The following STPG4 variants were observed in gnomAD, a reference collection of about 807,000 sequenced individuals.
The protein encoded by STPG4 is protein STPG4.
A neutral mutation model predicts 31.5 loss-of-function variants in STPG4; 41 were observed. That is an observed-to-expected ratio of 1.30 (90% CI 1.01 to 1.69). The LOEUF (loss-of-function observed/expected upper bound fraction) is 1.69. Among genes scored for constraint, STPG4 ranks in the 40% most tolerant of loss-of-function variants. STPG4 has a pLI of 0.00. For synonymous variants in STPG4, 141 were observed against 103.0 expected (o/e 1.37, Z -2.24); for missense variants, 375 against 293.4 (o/e 1.28, Z -2.03).
chr2:47,137,913 C>G (rs1371696224), intron 3 of STPG4, among the ~76,000 whole-genome samples: 2 of 152,046 alleles, frequency 1.3e-5, no homozygotes, highest in East Asian at 3.8e-4. Flanking sequence ...ATTATCTTTT[C>G]AAAGAATCAG....
chr2:47,135,509 C>T (rs1315554786), intron 3 of STPG4, among the ~76,000 whole-genome samples: 1 of 152,144 alleles, frequency 6.6e-6, no homozygotes, highest in East Asian at 1.9e-4. Flanking sequence ...GCTTCAGCCT[C>T]CCAAGTAGCT....
intron 5 of STPG4, among the ~76,000 whole-genome samples, chr2:47,099,288 C>A (rs1210531888): frequency 6.6e-6 from 1 of 152,236 alleles, no homozygotes; most frequent in Admixed American, 6.5e-5. Flanking sequence ...TGAGGCAGTT[C>A]TGGCCTCAAA....
At chr2:47,123,486 A>T (rs1686312524) in intron 5 of STPG4, among the ~76,000 whole-genome samples, 1 of 152,214 alleles carries the variant, frequency 6.6e-6, no homozygotes. Flanking sequence ...GATACATTTT[A>T]AAAGGTATTG....
At chr2:47,127,038 C>T (rs1331413639) in intron 5 of STPG4, among the ~76,000 whole-genome samples, 1 of 151,894 alleles carries the variant, frequency 6.6e-6, no homozygotes. Flanking sequence ...TCTTGTACTT[C>T]AATATTTCTA....
intron 5 of STPG4, among the ~76,000 whole-genome samples, chr2:47,096,621 G>C (rs1685674345): frequency 6.6e-6 from 1 of 152,152 alleles, no homozygotes; most frequent in Non-Finnish European, 1.5e-5. Context: ...ATGTCCCAGG[G>C]GGTTAGGGAC....
At chr2:47,098,890 T>C (rs13394954) in intron 5 of STPG4, among the ~76,000 whole-genome samples, 1 of 152,190 alleles carries the variant, frequency 6.6e-6, no homozygotes, top group Non-Finnish European at 1.5e-5. Context: ...CAGGAAATTC[T>C]AGAATTCTGT....
At chr2:47,134,667 C>G (rs1686560501) in intron 3 of STPG4, among the ~76,000 whole-genome samples, 1 of 152,240 alleles carries the variant, frequency 6.6e-6, no homozygotes, top group Non-Finnish European at 1.5e-5. Context: ...CTATAAACAT[C>G]CATGTGCAGG....
intron 5 of STPG4, among the ~76,000 whole-genome samples, chr2:47,091,462 T>C (rs1041450235): frequency 6.6e-6 from 1 of 152,132 alleles, no homozygotes; most frequent in South Asian, 2.1e-4. Context: ...GCTAACATGA[T>C]GTTCATCTTT....
At chr2:47,148,707 T>A (rs1391989232) in intron 3 of STPG4, among the ~76,000 whole-genome samples, 1 of 152,046 alleles carries the variant, frequency 6.6e-6, no homozygotes, top group African/African-American at 2.4e-5. Context: ...CAGGCTCCTG[T>A]GTGTGATGTT....
intron 6 of STPG4, among the ~76,000 whole-genome samples, 159 bp downstream of exon 6, chr2:47,090,111 T>C (rs28679288): frequency 0.054 from 8,178 of 152,274 alleles, 316 homozygotes; most frequent in Non-Finnish European, 0.083. Context: ...TCACTCCTGA[T>C]TGCCTTGACA....
intron 5 of STPG4, among the ~76,000 whole-genome samples, chr2:47,117,536 A>G (rs1686177056): frequency 6.6e-6 from 1 of 152,212 alleles, no homozygotes; most frequent in African/African-American, 2.4e-5. Flanking sequence ...TTGAGTCATC[A>G]GTGTCTAATT....
In STPG4 at chr2:47,137,742, T is replaced by C. The variant is rs574573540; in HGVS notation, c.400-7482A>G. Among the ~76,000 whole-genome samples the C allele has an allele frequency of 2.1e-4, 32 of 152,310 alleles. 1 individual carries two copies. The South Asian group carries it at 4.6e-3, about 22-fold the overall frequency. On this transcript the variant is annotated intron_variant, in intron 3 of 6. Coordinates refer to ENST00000445927, the MANE Select transcript of STPG4 (RefSeq NM_001163561.2). ...AAGTAATTGGTTCATTTTATCTAGGTAATCAAATTTGTGGAAATAGGGTTA... is the reference window on the plus strand; with the variant it reads ...AAGTAATTGGTTCATTTTATCTAGGCAATCAAATTTGTGGAAATAGGGTTA...
rs57475505 is a variant in STPG4 at position 47,127,252 on chromosome 2, C to CTTTTTTTTTTTTTTTT, written c.519+2673_519+2688dup. On this transcript the variant is annotated intron_variant, in intron 5 of 6. Transcript: ENST00000445927. ...CAAATAGCTTGTCTTCAAGCTAATT[C>CTTTTTTTTTTTTTTTT]TTTTTTTTTTTTTTTTTTTTTTTTT... 1.9e-3 allele frequency among the ~76,000 whole-genome samples: 112 copies of CTTTTTTTTTTTTTTTT among 57,472 alleles called. 20 individuals carry two copies. The highest frequency in any genetic ancestry group is 5.4e-3 in the South Asian group (6 of 1,110). The allele number at this position is 57,472 out of a possible 152,430, so 37.7% of individuals were successfully genotyped here.
At chr2:47,090,782 T>C (rs1173677972) in intron 5 of STPG4, among the ~76,000 whole-genome samples, 5 of 152,260 alleles carry the variant, frequency 3.3e-5, no homozygotes, top group African/African-American at 1.2e-4. Flanking sequence ...AAAATGCTTA[T>C]TCTTTCATAT....
intron 5 of STPG4, among the ~76,000 whole-genome samples, chr2:47,107,870 G>A (rs910319028): frequency 3.3e-5 from 5 of 152,152 alleles, no homozygotes; most frequent in African/African-American, 1.2e-4. Context: ...CTCAGGGTTT[G>A]TGAATGCATC....
chr2:47,143,950 T>A (rs1045835738), intron 3 of STPG4, among the ~76,000 whole-genome samples: 4 of 152,230 alleles, frequency 2.6e-5, no homozygotes, highest in Non-Finnish European at 5.9e-5. Context: ...TTTTTTTGCA[T>A]TGACTGACCT....
chr2:47,090,325 C>G lies in STPG4; in HGVS notation c.569G>C (p.Ser190Thr). The G allele has an allele frequency of 4.5e-6, 7 of 1,552,054 alleles. No homozygotes were observed. In the South Asian group the frequency reaches 8.3e-5, roughly 18 times the overall value. ...GHYNVKMPPT[S>T]SVTSCFQSRV... Reference sequence around the variant, plus strand: ...GGATTGAAAACAAGAAGTGACAGAGCTTGTTGGAGGCATTTTCACATTATA... The same window carrying G: ...GGATTGAAAACAAGAAGTGACAGAGGTTGTTGGAGGCATTTTCACATTATA... The change falls in exon 6 of 7, where the codon AGC (serine) becomes ACC (threonine). Residue 190 changes from serine to threonine, a missense_variant. Physicochemically the swap from Ser to Thr is moderately conservative, Grantham distance 58. Coordinates refer to ENST00000445927, the MANE Select transcript of STPG4 (RefSeq NM_001163561.2).
At chr2:47,115,651 G>GTTTTTTTTTTTTTTTT (rs1558678003) in intron 5 of STPG4, among the ~76,000 whole-genome samples, 1 of 90,406 alleles carries the variant, frequency 1.1e-5, no homozygotes, top group African/African-American at 3.5e-5. Flanking sequence ...CACATTAAAG[G>GTTTTTTTTTTTTTTTT]CTTTTTTTTT....
At chr2:47,131,690 T>C (rs1481131000) in intron 3 of STPG4, among the ~76,000 whole-genome samples, 1 of 152,088 alleles carries the variant, frequency 6.6e-6, no homozygotes, top group Non-Finnish European at 1.5e-5. Context: ...ATGATGAGAT[T>C]TGAGGGAGGC....
Sources: gnomAD v4.1 joint callset for allele counts (sites outside exome capture counted in the v4.1 genomes callset) on GRCh38, gnomAD v4.1.1 for gene constraint, MANE v1.5 for transcripts, NCBI Gene and HGNC (gene_info 2026-07-23, HGNC 2026-07-21) for gene names.